The following UBR3 variants were observed in gnomAD, a reference collection of about 807,000 sequenced individuals.
The protein encoded by UBR3 is E3 ubiquitin-protein ligase UBR3.
UBR3 carries 85 observed loss-of-function variants against 243.2 expected under a neutral mutation model. The ratio of observed to expected loss-of-function variants is 0.35; its 90% CI spans 0.29 to 0.42. The LOEUF (loss-of-function observed/expected upper bound fraction) is 0.42. Among genes scored for constraint, UBR3 ranks in the 10% least tolerant of loss-of-function variants. The pLI is 1.00. For synonymous variants in UBR3, 748 were observed against 799.8 expected, an observed-to-expected ratio of 0.94 and a Z score of 1.09; for missense variants, 1,686 against 2,300.8, an observed-to-expected ratio of 0.73 and a Z score of 5.47.
intron 1 of UBR3, among the ~76,000 whole-genome samples, chr2:169,843,884 T>C (rs1269555832): frequency 2.6e-5 from 4 of 152,228 alleles, no homozygotes; most frequent in Admixed American, 6.5e-5. Flanking sequence ...TTTTTAAATA[T>C]CTTGATAGAG....
At chr2:169,914,504 A>G (rs2085376910) in intron 11 of UBR3, among the ~76,000 whole-genome samples, 1 of 152,228 alleles carries the variant, frequency 6.6e-6, no homozygotes, top group African/African-American at 2.4e-5. Context: ...GGGGAGATTA[A>G]TGAAAAGGGT....
chr2:169,856,140 C>T (rs1468471615), intron 1 of UBR3, among the ~76,000 whole-genome samples: 2 of 150,070 alleles, frequency 1.3e-5, no homozygotes, highest in African/African-American at 2.5e-5. Context: ...AGAGACGCTC[C>T]TCACCTCCCA....
chr2:169,949,313 G>T (rs1462851265), intron 22 of UBR3, among the ~76,000 whole-genome samples: 1 of 152,014 alleles, frequency 6.6e-6, no homozygotes, highest in Non-Finnish European at 1.5e-5. Context: ...TTTAGTTTAT[G>T]ATTCTCTTTA....
intron 1 of UBR3, among the ~76,000 whole-genome samples, chr2:169,866,499 A>G (rs959588547): frequency 6.6e-6 from 1 of 151,768 alleles, no homozygotes; most frequent in African/African-American, 2.4e-5. Context: ...AATAGCTGGG[A>G]TTACAGGCAT....
intron 24 of UBR3, 86 bp from the exon 25 acceptor site, chr2:169,986,559 G>A: frequency 7.4e-7 from 1 of 1,354,042 alleles, no homozygotes. Context: ...GCTAAAAATT[G>A]TTTGAACTTG....
chr2:170,038,204 T>C (rs1283672768), intron 31 of UBR3, among the ~76,000 whole-genome samples: 2 of 152,196 alleles, frequency 1.3e-5, no homozygotes, highest in African/African-American at 4.8e-5. Flanking sequence ...TTCTCAAGCC[T>C]TTTTGATTTT....
chr2:169,860,008 C>T (rs2105301372), intron 1 of UBR3, among the ~76,000 whole-genome samples: 1 of 152,254 alleles, frequency 6.6e-6, no homozygotes, highest in Non-Finnish European at 1.5e-5. Flanking sequence ...TGAGCCACCG[C>T]ACCTGGTCTT....
intron 23 of UBR3, among the ~76,000 whole-genome samples, chr2:169,950,282 A>C (rs185859212): frequency 6.6e-6 from 1 of 152,194 alleles, no homozygotes; most frequent in Admixed American, 6.5e-5. Context: ...CCAATGTAAA[A>C]TTACTACCTT....
chr2:169,893,885 T>C (rs922899193), intron 6 of UBR3, among the ~76,000 whole-genome samples: 4 of 152,112 alleles, frequency 2.6e-5, no homozygotes, highest in African/African-American at 9.7e-5. Context: ...TAGTTACAAA[T>C]CTTAAATTCC....
chr2:170,059,041 A>T (rs756788940), intron 33 of UBR3, among the ~76,000 whole-genome samples: 1 of 152,140 alleles, frequency 6.6e-6, no homozygotes, highest in African/African-American at 2.4e-5. Flanking sequence ...GATTCTTCTT[A>T]TCTCGATTTT....
rs568146383 is a variant in UBR3 at position 170,020,486 on chromosome 2, T to C, written c.4453+5120T>C. On this transcript the variant is annotated intron_variant, in intron 30 of 38. Coordinates refer to ENST00000272793, the MANE Select transcript of UBR3 (RefSeq NM_172070.4). ...CATAAGCATGTGCTTAGGCAAGACA[T>C]TTTATGTTTTTGGCTTCAGTTTCCT... 3.3e-5 allele frequency among the ~76,000 whole-genome samples: 5 copies of C among 152,288 alleles called. No homozygotes were observed. The East Asian group carries it at 9.7e-4, about 29-fold the overall frequency.
At chr2:170,015,731 A>G (rs1338136892) in intron 30 of UBR3, among the ~76,000 whole-genome samples, 1 of 151,902 alleles carries the variant, frequency 6.6e-6, no homozygotes, top group East Asian at 1.9e-4. Flanking sequence ...GATTTCTATT[A>G]TATTATTGCT....
intron 11 of UBR3, among the ~76,000 whole-genome samples, chr2:169,919,936 T>A (rs924079008): frequency 6.6e-6 from 1 of 152,096 alleles, no homozygotes; most frequent in Non-Finnish European, 1.5e-5. Flanking sequence ...GAAATACCAT[T>A]TGACCCAGCC....
chr2:169,848,572 C>T lies in UBR3; in HGVS notation c.545+20520C>T, dbSNP rs183410372. ...AAGTGAACTTTCTTTCATATATGTG[C>T]TCCCAGAAAGTCTATTGCTTTCTGC... On this transcript the variant is annotated intron_variant, in intron 1 of 38. Transcript: ENST00000272793. Among the ~76,000 whole-genome samples the T allele has an allele frequency of 1.8e-4, 27 of 151,918 alleles. No individual in the cohort carries two copies. The East Asian group carries it at 5.0e-3, about 28-fold the overall frequency.
chr2:169,996,180 T>C (rs771426593), intron 26 of UBR3, among the ~76,000 whole-genome samples: 1 of 152,152 alleles, frequency 6.6e-6, no homozygotes, highest in Non-Finnish European at 1.5e-5. Context: ...CTTAATATGC[T>C]AGGCTGACAA....
Position 170,001,432 on chromosome 2 carries a change from A to C in UBR3, c.4029+18A>C. On this transcript the variant is annotated intron_variant, in intron 27 of 38. Coordinates refer to ENST00000272793, the MANE Select transcript of UBR3 (RefSeq NM_172070.4). ...CATTACGGGTAAGTTGATTGCAAAAATTTTTTAAAGGTGCATGTATCTTTC... is the reference window on the plus strand; with the variant it reads ...CATTACGGGTAAGTTGATTGCAAAACTTTTTTAAAGGTGCATGTATCTTTC... The C allele has an allele frequency of 6.4e-7, 1 of 1,553,122 alleles. No homozygotes were observed. Among genetic ancestry groups the C allele is most frequent in the South Asian group, 1.1e-5 (1 of 89,398 alleles).
chr2:169,839,663 TAAAA>T (rs1459195126), intron 1 of UBR3, among the ~76,000 whole-genome samples: 2 of 151,928 alleles, frequency 1.3e-5, no homozygotes, highest in Non-Finnish European at 2.9e-5. Flanking sequence ...ATGCATCAAA[TAAAA>T]CACACACACA....
At chr2:170,005,058 C>T (rs1471566264) in intron 27 of UBR3, among the ~76,000 whole-genome samples, 1 of 151,704 alleles carries the variant, frequency 6.6e-6, no homozygotes, top group Non-Finnish European at 1.5e-5. Context: ...CCCGTCTCTA[C>T]CAAAAATACA....
At position 169,827,715 on chromosome 2, in the gene UBR3, G is replaced by A; in HGVS notation, c.208G>A (p.Gly70Ser). ...SAERPLAAAA[G>S]GEDAAAAGGG... ...CGAGCGGCCGCTGGCCGCGGCTGCC[G>A]GCGGCGAGGACGCGGCGGCGGCCGG... The change falls in exon 1 of 39, where the codon GGC becomes AGC. Residue 70 changes from glycine (G) to serine (S), a missense_variant. Physicochemically the swap from Gly to Ser is moderately conservative, Grantham distance 56 (BLOSUM62 0). This residue lies in a region of UBR3 where 145 missense variants were observed against 243.8 expected (regional missense o/e 0.59). Coordinates refer to ENST00000272793, the MANE Select transcript of UBR3 (RefSeq NM_172070.4). 1 of 1,227,642 alleles carries A rather than the reference G, an allele frequency of 8.1e-7. No homozygotes were observed. Among genetic ancestry groups the A allele is most frequent in the Non-Finnish European group, 1.0e-6 (1 of 987,756 alleles). The allele number at this position is 1,227,642 out of a possible 1,614,324, so 76.0% of individuals were successfully genotyped here. A position where few individuals can be genotyped will look rare whatever the true frequency, so the allele number is the denominator to read the frequency against.
Sources: gnomAD v4.1 joint callset for allele counts (sites outside exome capture counted in the v4.1 genomes callset) on GRCh38, gnomAD v4.1.1 for gene constraint, gnomAD v4.1.1 regional missense constraint, MANE v1.5 for transcripts, NCBI Gene and HGNC (gene_info 2026-07-23, HGNC 2026-07-21) for gene names.